LNX1: variants seen among roughly 807,000 people sequenced by gnomAD.
The protein encoded by LNX1 is E3 ubiquitin-protein ligase LNX.
Under a neutral mutation model 68.4 loss-of-function variants are expected in LNX1, and 54 were observed. The ratio of observed to expected loss-of-function variants is 0.79; its 90% CI spans 0.63 to 0.99. The LOEUF is 0.99. Ranked by LOEUF, LNX1 falls within the 50% of genes least tolerant of loss-of-function variation. The probability of loss-of-function intolerance (pLI) is 0.00; values close to 1 mark genes in which losing one functional copy is unlikely to be tolerated. For missense variants in LNX1, 906 were observed against 926.4 expected (o/e 0.98, Z 0.29); for synonymous variants, 336 against 350.0 (o/e 0.96, Z 0.45).
intron 9 of LNX1, among the ~76,000 whole-genome samples, chr4:53,463,209 A>G (rs1401308199): frequency 6.6e-6 from 1 of 152,060 alleles, no homozygotes; most frequent in Admixed American, 6.6e-5. Flanking sequence ...TGAACCCAGT[A>G]AGTCATAGTG....
upstream of LNX1, among the ~76,000 whole-genome samples, chr4:53,594,547 C>G (rs1323274853): frequency 6.6e-6 from 1 of 152,174 alleles, no homozygotes; most frequent in Admixed American, 6.5e-5. Context: ...TCCATTCCCC[C>G]CTCCCATACC....
chr4:53,618,589 C>T (rs968473886), upstream of LNX1, among the ~76,000 whole-genome samples: 1 of 152,178 alleles, frequency 6.6e-6, no homozygotes, highest in Non-Finnish European at 1.5e-5. Flanking sequence ...ATCTCACTAA[C>T]CCTCGGATGT....
At chr4:53,586,150 G>T (rs1173138134) in intron 1 of LNX1, among the ~76,000 whole-genome samples, 1 of 152,054 alleles carries the variant, frequency 6.6e-6, no homozygotes, top group Non-Finnish European at 1.5e-5. Context: ...AAAAAAAAAG[G>T]CCACAGATAG....
In LNX1 at chr4:53,566,676, A is replaced by G. The variant is rs565643576; in HGVS notation, c.380+6947T>C. On this transcript the variant is annotated intron_variant, in intron 2 of 10. Transcript: ENST00000263925. ...TTAACTTTACATGTAAATGGACTAA[A>G]TGCTCCAACTAAAAGACACAGACTG... Among the ~76,000 whole-genome samples the G allele has an allele frequency of 9.9e-3, 1,509 of 151,858 alleles. 21 individuals carry two copies. The highest frequency in any genetic ancestry group is 0.034 in the African/African-American group (1,405 of 41,112).
chr4:53,615,487 T>G (rs1454889186), intron 2 of LNX1, among the ~76,000 whole-genome samples: 1 of 152,184 alleles, frequency 6.6e-6, no homozygotes, highest in Non-Finnish European at 1.5e-5. Flanking sequence ...TATGAGAGGC[T>G]TAAGGAAGAA....
At chr4:53,468,473 A>C (rs946598781) in intron 9 of LNX1, among the ~76,000 whole-genome samples, 12 of 152,220 alleles carry the variant, frequency 7.9e-5, no homozygotes, top group African/African-American at 2.9e-4. Flanking sequence ...TAATGACAGG[A>C]TCAAATTCAC....
intron 6 of LNX1, among the ~76,000 whole-genome samples, chr4:53,493,419 A>G (rs1033215500): frequency 6.6e-6 from 1 of 152,184 alleles, no homozygotes; most frequent in African/African-American, 2.4e-5. Context: ...CTAAGGTACC[A>G]CGTGTGTTTT....
At chr4:53,520,453 G>A (rs1339038863) in intron 2 of LNX1, among the ~76,000 whole-genome samples, 8 of 152,276 alleles carry the variant, frequency 5.3e-5, no homozygotes, top group Non-Finnish European at 8.8e-5. Context: ...CGCCAGAATC[G>A]TTTGTTCATT....
chr4:53,517,382 C>G (rs1047254693), intron 2 of LNX1, among the ~76,000 whole-genome samples: 8 of 152,164 alleles, frequency 5.3e-5, no homozygotes, highest in Non-Finnish European at 1.0e-4. Flanking sequence ...ATGCATCAGT[C>G]AGCGCCTTCC....
chr4:53,597,454 AC>A (rs1420078400), intron 2 of LNX1, among the ~76,000 whole-genome samples: 1 of 152,106 alleles, frequency 6.6e-6, no homozygotes, highest in Non-Finnish European at 1.5e-5. Context: ...CACTCCCCTC[AC>A]CCCCATTTCC....
chr4:53,593,817 A>G (rs1732623620), upstream of LNX1: 1 of 152,184 alleles, frequency 6.6e-6, no homozygotes, highest in Non-Finnish European at 1.5e-5. Context: ...ACCCTGTGTC[A>G]GGTATCATTG....
At chr4:53,501,299 T>TTTTGGGGGG (rs56165716) in intron 4 of LNX1, among the ~76,000 whole-genome samples, 10 of 38,792 alleles carry the variant, frequency 2.6e-4, no homozygotes, top group Non-Finnish European at 6.3e-4. Flanking sequence ...TTTTTTTTTT[T>TTTTGGGGGG]GGGGGTGGGG....
intron 1 of LNX1, among the ~76,000 whole-genome samples, chr4:53,588,820 T>G (rs1280696893): frequency 2.0e-5 from 3 of 152,072 alleles, no homozygotes; most frequent in Non-Finnish European, 2.9e-5. Flanking sequence ...TGATGAAAAT[T>G]TGTGGTATCC....
chr4:53,507,384 G>A lies in LNX1; in HGVS notation c.708C>T (p.Ser236=), dbSNP rs143497847. Reference sequence around the variant, plus strand: ...CGGCATGGTTGGCAACTGCACTCCCGCTCTTTGTCCTTCGAAGAACACTCA... The same window carrying A: ...CGGCATGGTTGGCAACTGCACTCCCACTCTTTGTCCTTCGAAGAACACTCA... The part of the protein sequence containing the change: ...RALSVLRRTK[S]GSAVANHADQ... The change falls in exon 4 of 11, where the codon AGC becomes AGT. Residue 236 remains serine (S), a synonymous_variant. Transcript: ENST00000263925. The A allele has an allele frequency of 1.9e-6, 3 of 1,614,054 alleles. No individual in the cohort carries two copies. The highest frequency in any genetic ancestry group is 2.2e-5 in the East Asian group (1 of 44,868).
At chr4:53,462,673 G>C (rs1336167210) in intron 9 of LNX1, among the ~76,000 whole-genome samples, 2 of 152,050 alleles carry the variant, frequency 1.3e-5, no homozygotes, top group Non-Finnish European at 2.9e-5. Flanking sequence ...AATAAAATGA[G>C]CTTTAGGGTT....
At chr4:53,471,222 C>G (rs371507321) in intron 9 of LNX1, among the ~76,000 whole-genome samples, 2 of 151,646 alleles carry the variant, frequency 1.3e-5, no homozygotes, top group African/African-American at 2.4e-5. Flanking sequence ...ACAAACCTGA[C>G]AAAAACAAGC....
At chr4:53,566,433 C>T (rs1046695206) in intron 2 of LNX1, among the ~76,000 whole-genome samples, 18 of 151,908 alleles carry the variant, frequency 1.2e-4, no homozygotes, top group Non-Finnish European at 2.4e-4. Flanking sequence ...AAATACTTTA[C>T]AGACAAGCAA....
intron 2 of LNX1, among the ~76,000 whole-genome samples, chr4:53,599,581 T>C (rs984016190): frequency 6.6e-6 from 1 of 152,212 alleles, no homozygotes; most frequent in Non-Finnish European, 1.5e-5. Context: ...GGACTCATCC[T>C]GAATTCTTTC....
At chr4:53,463,909 C>CA (rs1722417509) in intron 9 of LNX1, among the ~76,000 whole-genome samples, 1 of 151,910 alleles carries the variant, frequency 6.6e-6, no homozygotes, top group Admixed American at 6.6e-5. Flanking sequence ...CTGCAGACTA[C>CA]AAAAAACACT....
Sources: allele counts gnomAD v4.1 joint callset (sites outside exome capture counted in the v4.1 genomes callset), GRCh38; gene constraint gnomAD v4.1.1; transcripts MANE v1.5; gene names NCBI Gene and HGNC (gene_info 2026-07-23, HGNC 2026-07-21).